LRRC4C: variants seen among roughly 807,000 people sequenced by gnomAD.
LRRC4C encodes the protein leucine-rich repeat-containing protein 4C.
A neutral mutation model predicts 33.6 loss-of-function variants in LRRC4C; 5 were observed. The ratio of observed to expected loss-of-function variants is 0.15; its 90% CI spans 0.08 to 0.31. The LOEUF is 0.31. LRRC4C is among the 10% of genes least tolerant of loss of function. The pLI, the probability that LRRC4C is intolerant of heterozygous loss-of-function variation, is 1.00. For missense variants in LRRC4C, 560 were observed against 796.7 expected, an observed-to-expected ratio of 0.70 and a Z score of 3.58; for synonymous variants, 329 against 302.0, an observed-to-expected ratio of 1.09 and a Z score of -0.93.
chr11:41,075,027 T>TTTTATTTTTTA (rs1939023266), intron 1 of LRRC4C, among the ~76,000 whole-genome samples: 2,827 of 102,850 alleles, frequency 0.027, 57 homozygotes, highest in South Asian at 0.058. Flanking sequence ...TTTTTTTTTT[T>TTTTATTTTTTA]TTTTTTTTTA....
rs77807799 is a variant in LRRC4C, at chr11:40,872,528, G to C, written c.-407+61107C>G. 7.3e-3 allele frequency among the ~76,000 whole-genome samples: 1,103 copies of C among 151,884 alleles called. 19 individuals are homozygous for C. The highest frequency in any genetic ancestry group is 0.026 in the African/African-American group (1,065 of 41,426). On this transcript the variant is annotated intron_variant, in intron 2 of 6. Transcript: ENST00000528697. ...CCTTTTGGTAAAGTGAATAATTTTC[G>C]ACTCTATGTTACTTAAATGTCTCTT...
intron 2 of LRRC4C, among the ~76,000 whole-genome samples, chr11:40,840,339 A>T (rs574372281): frequency 6.6e-6 from 1 of 152,276 alleles, no homozygotes; most frequent in South Asian, 2.1e-4. Flanking sequence ...CATTATTTCT[A>T]TGTCTTTATT....
intron 1 of LRRC4C, among the ~76,000 whole-genome samples, chr11:41,225,205 G>A (rs1947475387): frequency 6.6e-6 from 1 of 152,054 alleles, no homozygotes; most frequent in African/African-American, 2.4e-5. Context: ...AAATTAGAAT[G>A]AATGAATATG....
intron 5 of LRRC4C, among the ~76,000 whole-genome samples, chr11:40,147,634 A>C (rs1406879532): frequency 6.6e-6 from 1 of 152,138 alleles, no homozygotes; most frequent in Non-Finnish European, 1.5e-5. Context: ...TAGGTTAGAC[A>C]GATAATAAAT....
chr11:40,160,557 C>T (rs1859069427), intron 5 of LRRC4C, among the ~76,000 whole-genome samples: 1 of 151,994 alleles, frequency 6.6e-6, no homozygotes, highest in African/African-American at 2.4e-5. Context: ...CAACAGCTTA[C>T]TAGAGGGAAT....
rs1404189416 is a variant in LRRC4C at position 40,758,246 on chromosome 11, G to A, written c.-406-109968C>T. Among the ~76,000 whole-genome samples the A allele has an allele frequency of 2.0e-5, 3 of 151,882 alleles. No homozygotes were observed. In the East Asian group the frequency reaches 5.8e-4, roughly 29 times the overall value. ...GGAGCTATGTTCTATTGAGTAACTG[G>A]CTTTAAAAAATTATGCCTCCTACCA... is the stretch of plus-strand genomic sequence containing the variant. On this transcript the variant is annotated intron_variant, in intron 2 of 6. Coordinates refer to ENST00000528697, the MANE Select transcript of LRRC4C (RefSeq NM_001258419.2).
chr11:41,005,083 G>A (rs1009302057), intron 1 of LRRC4C, among the ~76,000 whole-genome samples: 1 of 152,092 alleles, frequency 6.6e-6, no homozygotes, highest in African/African-American at 2.4e-5. Context: ...AAATCTGGCT[G>A]GCACCTCCCT....
chr11:40,385,863 C>CAAAT (rs60952313), intron 3 of LRRC4C, among the ~76,000 whole-genome samples: 8,250 of 138,162 alleles, frequency 0.06, 422 homozygotes, highest in African/African-American at 0.14. Flanking sequence ...GAGACTCTGT[C>CAAAT]AAATAAATAA....
intron 1 of LRRC4C, among the ~76,000 whole-genome samples, chr11:41,401,668 A>G (rs1954031269): frequency 6.6e-6 from 1 of 151,936 alleles, no homozygotes; most frequent in Non-Finnish European, 1.5e-5. Context: ...GACTGGAACA[A>G]CTTACTAGCT....
In LRRC4C at chr11:40,838,225, T is replaced by TTC. The variant is rs557098993; in HGVS notation, c.-407+95409_-407+95410insGA. 9.8e-3 allele frequency among the ~76,000 whole-genome samples: 1,490 copies of TTC among 152,294 alleles called. 23 individuals carry two copies. Among genetic ancestry groups the TTC allele is most frequent in the African/African-American group, 0.033 (1,358 of 41,556 alleles). The stretch of plus-strand genomic sequence containing the variant: ...AAAATGTAAGTGAGAGAGAGAGGAA[T>TTC]AGGTCCATGTGTTTTTATTTTCTTG... On this transcript the variant is annotated intron_variant, in intron 2 of 6. Transcript: ENST00000528697.
intron 1 of LRRC4C, among the ~76,000 whole-genome samples, chr11:41,103,361 T>A (rs1174917897): frequency 6.6e-6 from 1 of 151,920 alleles, no homozygotes; most frequent in Non-Finnish European, 1.5e-5. Context: ...GAAATTAGCA[T>A]TTCCCCTCAA....
At chr11:40,405,920 C>T (rs1440096124) in intron 3 of LRRC4C, among the ~76,000 whole-genome samples, 1 of 151,762 alleles carries the variant, frequency 6.6e-6, no homozygotes, top group Non-Finnish European at 1.5e-5. Context: ...TAGGCAAGAG[C>T]TCTCTATCCA....
chr11:40,794,535 A>G (rs892997682), intron 2 of LRRC4C, among the ~76,000 whole-genome samples: 7 of 152,164 alleles, frequency 4.6e-5, no homozygotes, highest in African/African-American at 1.7e-4. Context: ...TCTGTAAGAA[A>G]TATCCTTTCC....
At chr11:40,844,257 A>G (rs758124638) in intron 2 of LRRC4C, among the ~76,000 whole-genome samples, 7 of 152,118 alleles carry the variant, frequency 4.6e-5, no homozygotes, top group Non-Finnish European at 1.0e-4. Context: ...AAAATACAAA[A>G]TAAAAAAAAT....
chr11:40,487,106 T>A (rs554807695), intron 3 of LRRC4C, among the ~76,000 whole-genome samples: 1 of 152,102 alleles, frequency 6.6e-6, no homozygotes. Context: ...ACGAACTTGA[T>A]GGCTGAAGCT....
intron 5 of LRRC4C, among the ~76,000 whole-genome samples, chr11:40,232,579 TA>T (rs1282790385): frequency 1.3e-5 from 2 of 152,240 alleles, no homozygotes; most frequent in Non-Finnish European, 1.5e-5. Flanking sequence ...AAATAACATT[TA>T]TTTTTTTATT....
At chr11:40,311,877 G>A (rs562576628) in intron 4 of LRRC4C, among the ~76,000 whole-genome samples, 4 of 150,440 alleles carry the variant, frequency 2.7e-5, no homozygotes, top group South Asian at 2.1e-4. Context: ...CCTGGGTGGC[G>A]GAAGTTGCAG....
intron 4 of LRRC4C, chr11:40,293,083 G>T (rs1944303847): frequency 6.6e-6 from 1 of 151,714 alleles, no homozygotes; most frequent in Admixed American, 6.6e-5. Context: ...TTGAATTTTT[G>T]ATTTCAGCCA....
intron 1 of LRRC4C, among the ~76,000 whole-genome samples, chr11:41,128,013 T>C (rs1371713524): frequency 6.6e-6 from 1 of 152,124 alleles, no homozygotes; most frequent in Non-Finnish European, 1.5e-5. Flanking sequence ...TCCTCTTTAA[T>C]TCTTCTATCA....
Sources: gnomAD v4.1 joint callset for allele counts (sites outside exome capture counted in the v4.1 genomes callset) on GRCh38, gnomAD v4.1.1 for gene constraint, MANE v1.5 for transcripts, NCBI Gene and HGNC (gene_info 2026-07-23, HGNC 2026-07-21) for gene names.